Variants in SBF2 observed in about 807,000 individuals in gnomAD.
SBF2 encodes the protein myotubularin-related protein 13.
A neutral mutation model predicts 225.2 loss-of-function variants in SBF2; 112 were observed. The ratio of observed to expected loss-of-function variants is 0.50; its 90% CI spans 0.43 to 0.58. SBF2 has a LOEUF of 0.58. Ranked by LOEUF, SBF2 falls within the 20% of genes least tolerant of loss-of-function variation. The pLI, the probability that SBF2 is intolerant of heterozygous loss-of-function variation, is 0.00. For synonymous variants in SBF2, 763 were observed against 773.3 expected (o/e 0.99, Z 0.22); for missense variants, 1,996 against 2,206.2 (o/e 0.90, Z 1.91).
intron 2 of SBF2, among the ~76,000 whole-genome samples, chr11:10,152,087 G>T (rs1209209351): frequency 6.6e-6 from 1 of 152,120 alleles, no homozygotes; most frequent in African/African-American, 2.4e-5. Flanking sequence ...TGGGAATTCT[G>T]TTCTATTTGT....
chr11:10,043,365 T>A (rs1329562290), intron 2 of SBF2, among the ~76,000 whole-genome samples: 1 of 152,140 alleles, frequency 6.6e-6, no homozygotes, highest in Non-Finnish European at 1.5e-5. Context: ...TTTTTAAATT[T>A]CCATATGAAT....
intron 2 of SBF2, among the ~76,000 whole-genome samples, chr11:10,174,685 G>C (rs988379094): frequency 6.6e-6 from 1 of 152,078 alleles, no homozygotes; most frequent in Non-Finnish European, 1.5e-5. Context: ...TCCTCGAGAA[G>C]AGCAACTCCA....
chr11:9,794,786 G>C (rs962962542), intron 33 of SBF2, among the ~76,000 whole-genome samples: 1 of 147,134 alleles, frequency 6.8e-6, no homozygotes, highest in African/African-American at 2.5e-5. Flanking sequence ...AAGAAATTAA[G>C]GTTTCTGATT....
chr11:9,959,894 T>G (rs1866451109), intron 16 of SBF2: 1 of 390,556 alleles, frequency 2.6e-6, no homozygotes, highest in Admixed American at 3.1e-5. Flanking sequence ...AACTCTGCTC[T>G]TCTCCCATTC....
intron 2 of SBF2, among the ~76,000 whole-genome samples, chr11:10,179,592 G>T (rs1474687040): frequency 6.6e-6 from 1 of 151,970 alleles, no homozygotes; most frequent in Non-Finnish European, 1.5e-5. Context: ...TTTCTGTCTC[G>T]ATCTGTCCAA....
intron 1 of SBF2, among the ~76,000 whole-genome samples, chr11:10,290,879 C>G (rs1429617654): frequency 6.6e-6 from 1 of 152,140 alleles, no homozygotes; most frequent in Admixed American, 6.5e-5. Flanking sequence ...AACAGCCCAA[C>G]AGCAATAAAC....
chr11:10,172,633 G>T (rs1190948242), intron 2 of SBF2, among the ~76,000 whole-genome samples: 2 of 151,992 alleles, frequency 1.3e-5, no homozygotes, highest in African/African-American at 4.8e-5. Flanking sequence ...GATTACAGGT[G>T]TGAGCCACCA....
intron 2 of SBF2, among the ~76,000 whole-genome samples, chr11:10,126,760 T>A (rs577881193): frequency 1.1e-4 from 16 of 152,188 alleles, no homozygotes. Context: ...CTAGTCACAA[T>A]AGCCAAAAAG....
intron 6 of SBF2, among the ~76,000 whole-genome samples, chr11:10,012,053 A>G (rs566807190): frequency 3.3e-4 from 51 of 152,240 alleles, no homozygotes; most frequent in African/African-American, 1.2e-3. Flanking sequence ...TGTTTTTTAT[A>G]TTGGATCATT....
intron 16 of SBF2, among the ~76,000 whole-genome samples, chr11:9,952,247 CACAAACAAACAAACAAACAA>C (rs57243169): frequency 6.7e-6 from 1 of 149,418 alleles, no homozygotes; most frequent in East Asian, 2.1e-4. Context: ...AAAATAAATA[CACAAACAAACAAACAAACAA>C]ACAAACAAAC....
At chr11:10,203,559 C>T (rs1957641180) in intron 1 of SBF2, among the ~76,000 whole-genome samples, 1 of 152,042 alleles carries the variant, frequency 6.6e-6, no homozygotes. Context: ...GAGTAAAATT[C>T]ACAACTCTAA....
intron 16 of SBF2, among the ~76,000 whole-genome samples, chr11:9,921,471 A>G (rs1863629076): frequency 6.6e-6 from 1 of 152,218 alleles, no homozygotes; most frequent in African/African-American, 2.4e-5. Context: ...CATGCTGTCT[A>G]GTTATTCTAA....
chr11:9,980,421 C>G (rs1946903816), intron 13 of SBF2, among the ~76,000 whole-genome samples: 1 of 151,934 alleles, frequency 6.6e-6, no homozygotes, highest in African/African-American at 2.4e-5. Context: ...CAGGCATGAG[C>G]CACCACACTC....
chr11:9,832,185 T>C, intron 27 of SBF2, 39 bp downstream of exon 27: 2 of 1,559,318 alleles, frequency 1.3e-6, no homozygotes, highest in Non-Finnish European at 8.8e-7. Context: ...ACTGTCCTTA[T>C]GTGAACGGGT....
rs773581365 is a variant in SBF2 at position 9,895,955 on chromosome 11, A to G, written c.1917T>C (p.Ser639=). 1.9e-6 allele frequency: 3 copies of G among 1,611,976 alleles called. No homozygotes were observed. The highest frequency in any genetic ancestry group is 2.5e-6 in the Non-Finnish European group (3 of 1,178,196). ...CAATGAAACTTACCCTATAGAAAGC[A>G]CTGGTCAAAGGGAGTAATGCTGCGG... The part of the protein sequence containing the change: ...NIAAALLPLT[S]AFYRKLAPGV... The change falls in exon 17 of 40, where the codon AGT becomes AGC. Residue 639 remains serine, a synonymous_variant. Coordinates refer to ENST00000256190, the MANE Select transcript of SBF2 (RefSeq NM_030962.4).
chr11:10,042,740 C>A, intron 3 of SBF2, 104 bp downstream of exon 3: 2 of 1,158,968 alleles, frequency 1.7e-6, no homozygotes, highest in South Asian at 1.3e-5. Context: ...CTTATGCTAG[C>A]CCATAAAACT....
At chr11:9,862,973 G>T (rs2134021084) in intron 17 of SBF2, among the ~76,000 whole-genome samples, 1 of 151,894 alleles carries the variant, frequency 6.6e-6, no homozygotes, top group Non-Finnish European at 1.5e-5. Context: ...TTCAATTCTG[G>T]CAACAATATT....
chr11:9,935,839 A>G (rs1217842130), intron 16 of SBF2, among the ~76,000 whole-genome samples: 1 of 152,246 alleles, frequency 6.6e-6, no homozygotes, highest in African/African-American at 2.4e-5. Flanking sequence ...TGTTAGACCT[A>G]AAACCATAAA....
At chr11:9,852,200 A>G (rs2133988686) in intron 21 of SBF2, among the ~76,000 whole-genome samples, 1 of 152,306 alleles carries the variant, frequency 6.6e-6, no homozygotes, top group South Asian at 2.1e-4. Flanking sequence ...ATTCCCAGAC[A>G]TGTTCTGGGG....
Sources: gnomAD v4.1 joint callset for allele counts (sites outside exome capture counted in the v4.1 genomes callset) on GRCh38, gnomAD v4.1.1 for gene constraint, MANE v1.5 for transcripts, NCBI Gene and HGNC (gene_info 2026-07-23, HGNC 2026-07-21) for gene names.